Variants in LIN28B observed in about 807,000 individuals in gnomAD.
LIN28B encodes the protein protein lin-28 homolog B.
Under a neutral mutation model 21.9 loss-of-function variants are expected in LIN28B, and 5 were observed. That is an observed-to-expected ratio of 0.23 (90% confidence interval 0.12 to 0.48). The LOEUF (loss-of-function observed/expected upper bound fraction) is 0.48. Among genes scored for constraint, LIN28B ranks in the 20% least tolerant of loss-of-function variants. The pLI, the probability that LIN28B is intolerant of heterozygous loss-of-function variation, is 0.98. For synonymous variants in LIN28B, 109 were observed against 111.3 expected (o/e 0.98, Z 0.13); for missense variants, 245 against 310.5 (o/e 0.79, Z 1.58).
intron 3 of LIN28B, among the ~76,000 whole-genome samples, chr6:105,059,687 C>T (rs975202589): frequency 1.3e-5 from 2 of 152,008 alleles, no homozygotes; most frequent in African/African-American, 2.4e-5. Context: ...AGTGGGTGCC[C>T]GTTACTCTGA....
At chr6:104,970,828 T>G (rs555756041) in intron 2 of LIN28B, among the ~76,000 whole-genome samples, 2 of 152,298 alleles carry the variant, frequency 1.3e-5, no homozygotes, top group South Asian at 4.1e-4. Context: ...CTTCTTGCTC[T>G]TCTGACCCAC....
chr6:105,031,123 C>T (rs1458355390), intron 3 of LIN28B, among the ~76,000 whole-genome samples: 2 of 150,904 alleles, frequency 1.3e-5, no homozygotes, highest in Non-Finnish European at 2.9e-5. Context: ...ATGTAAATAT[C>T]CCATTCACCA....
intron 3 of LIN28B, among the ~76,000 whole-genome samples, chr6:105,065,548 CTTCATCG>C (rs1772204679): frequency 6.6e-6 from 1 of 152,242 alleles, no homozygotes; most frequent in South Asian, 2.1e-4. Context: ...CTCATTTATA[CTTCATCG>C]TTTTCCTCAG....
At chr6:104,993,084 G>GT (rs1165203313) in intron 2 of LIN28B, among the ~76,000 whole-genome samples, 4 of 151,882 alleles carry the variant, frequency 2.6e-5, no homozygotes, top group South Asian at 4.2e-4. Context: ...TTATTAAACT[G>GT]TTTTTTTATC....
chr6:105,063,905 TTATTA>T (rs1311423722), intron 3 of LIN28B, among the ~76,000 whole-genome samples: 29 of 149,516 alleles, frequency 1.9e-4, no homozygotes, highest in African/African-American at 5.1e-4. Context: ...GTTATAATAA[TTATTA>T]TATTATAATT....
At chr6:104,985,414 G>A (rs1301837884) in intron 2 of LIN28B, among the ~76,000 whole-genome samples, 2 of 152,076 alleles carry the variant, frequency 1.3e-5, no homozygotes, top group Non-Finnish European at 2.9e-5. Context: ...GTGTTTGTTC[G>A]AATTCCTGTT....
chr6:104,977,902 A>T (rs1170252299), intron 2 of LIN28B, among the ~76,000 whole-genome samples: 2 of 152,154 alleles, frequency 1.3e-5, no homozygotes, highest in African/African-American at 4.8e-5. Context: ...ACTGCAGAAC[A>T]TTTCTTGAAC....
intron 2 of LIN28B, among the ~76,000 whole-genome samples, chr6:104,937,619 T>G (rs1190017848): frequency 6.6e-6 from 1 of 152,172 alleles, no homozygotes; most frequent in Non-Finnish European, 1.5e-5. Flanking sequence ...AAGCCTAGTT[T>G]TTCAACATTG....
At chr6:104,957,376 G>A (rs1778306176) in intron 1 of LIN28B, 116 bp downstream of exon 1, 2 of 614,176 alleles carry the variant, frequency 3.3e-6, no homozygotes, top group East Asian at 5.8e-5. Context: ...CCAATACTGG[G>A]CATTACCTCC....
intron 2 of LIN28B, among the ~76,000 whole-genome samples, chr6:105,014,587 G>A (rs1431995096): frequency 6.6e-6 from 1 of 152,118 alleles, no homozygotes; most frequent in African/African-American, 2.4e-5. Context: ...CTTCCTGAAT[G>A]CTGGAATTAC....
At chr6:104,945,587 T>C (rs188564889) in intron 2 of LIN28B, among the ~76,000 whole-genome samples, 58 of 152,262 alleles carry the variant, frequency 3.8e-4, no homozygotes, top group African/African-American at 1.4e-3. Context: ...GATTACCTTT[T>C]TTAAGGCAGG....
At chr6:105,038,212 TG>T (rs1392521690) in intron 3 of LIN28B, among the ~76,000 whole-genome samples, 2 of 152,224 alleles carry the variant, frequency 1.3e-5, no homozygotes, top group East Asian at 3.9e-4. Context: ...ATACGTTATG[TG>T]GGAGTTGCAG....
intron 3 of LIN28B, among the ~76,000 whole-genome samples, chr6:105,052,420 T>C (rs1582920926): frequency 1.3e-5 from 2 of 152,232 alleles, no homozygotes; most frequent in South Asian, 4.2e-4. Flanking sequence ...AGTGCCCTCT[T>C]GATGTGTCAT....
intron 2 of LIN28B, among the ~76,000 whole-genome samples, chr6:104,987,529 G>T (rs1372457990): frequency 2.6e-5 from 4 of 151,918 alleles, no homozygotes; most frequent in Non-Finnish European, 5.9e-5. Flanking sequence ...ATTTCTCTTT[G>T]TTCCCAGGCT....
chr6:104,945,819 C>CTG (rs1778149726), intron 2 of LIN28B, among the ~76,000 whole-genome samples: 1 of 152,076 alleles, frequency 6.6e-6, no homozygotes, highest in African/African-American at 2.4e-5. Context: ...CAGCTGCTAT[C>CTG]TGTGCCATAA....
chr6:105,078,272 T>G, intron 3 of LIN28B, 142 bp from the exon 4 acceptor site: 1 of 783,100 alleles, frequency 1.3e-6, no homozygotes, highest in Non-Finnish European at 2.0e-6. Flanking sequence ...GTGTAACCAG[T>G]ATAAACAATG....
At chr6:104,993,688 A>G (rs923419785) in intron 2 of LIN28B, among the ~76,000 whole-genome samples, 4 of 151,830 alleles carry the variant, frequency 2.6e-5, no homozygotes, top group Admixed American at 6.6e-5. Flanking sequence ...TACAAAAACT[A>G]GCCAGGTGTG....
chr6:105,011,955 C>T (rs539110027), intron 2 of LIN28B, among the ~76,000 whole-genome samples: 1 of 152,156 alleles, frequency 6.6e-6, no homozygotes, highest in South Asian at 2.1e-4. Flanking sequence ...GTCAGGAGTT[C>T]GAGACTGGCC....
chr6:104,958,271 T>C lies in LIN28B; in HGVS notation c.183T>C (p.Asp61=), dbSNP rs774794958. ...GAAGCCCCTTGGATATTCCAGTCGA[T>C]GTATTTGTACACCAAGTAAGCCAAA... The part of the protein sequence containing the change: ...REGSPLDIPV[D]VFVHQSKLFM... Residue 61 remains aspartate (D), a synonymous_variant, in exon 2 of 4, where the codon GAT becomes GAC. Coordinates refer to ENST00000345080, the MANE Select transcript of LIN28B (RefSeq NM_001004317.4). The C allele has an allele frequency of 1.9e-6, 3 of 1,563,446 alleles. No individual in the cohort carries two copies. The East Asian group carries it at 6.8e-5, about 36-fold the overall frequency.
Sources: allele counts gnomAD v4.1 joint callset (sites outside exome capture counted in the v4.1 genomes callset), GRCh38; gene constraint gnomAD v4.1.1; transcripts MANE v1.5; gene names NCBI Gene and HGNC (gene_info 2026-07-23, HGNC 2026-07-21).